MYH9: variants seen among roughly 807,000 people sequenced by gnomAD.
MYH9 encodes the protein myosin heavy chain 9.
MYH9 carries 29 observed loss-of-function variants against 241.9 expected under a neutral mutation model. The ratio of observed to expected loss-of-function variants is 0.12; its 90% CI spans 0.09 to 0.16. The LOEUF is 0.16. Ranked by LOEUF, MYH9 falls within the 10% of genes least tolerant of loss-of-function variation. The pLI is 1.00. For missense variants in MYH9, 1,803 were observed against 2,595.5 expected, an observed-to-expected ratio of 0.69 and a Z score of 6.63; for synonymous variants, 1,047 against 1,062.6, an observed-to-expected ratio of 0.99 and a Z score of 0.29.
At chr22:36,356,756 C>T (rs533082261) in intron 1 of MYH9, among the ~76,000 whole-genome samples, 82 of 152,278 alleles carry the variant, frequency 5.4e-4, no homozygotes, top group Non-Finnish European at 9.0e-4. Context: ...TGAGGTCGCG[C>T]GGCAGGACGG....
At position 36,302,564 on chromosome 22, in the gene MYH9, G is replaced by A. The variant is rs369049684; in HGVS notation, c.2499+4C>T. On this transcript the variant is annotated splice_donor_region_variant and intron_variant, in intron 20 of 40. Coordinates refer to ENST00000216181, the MANE Select transcript of MYH9 (RefSeq NM_002473.6). ...GCTACTCAGGAGGCCCTTCTAGCAC[G>A]CACCTTGGTGAAGAGCCGCCACCAC... 52 of 1,611,598 alleles carry A rather than the reference G, an allele frequency of 3.2e-5. No individual in the cohort carries two copies. The highest frequency in any genetic ancestry group is 1.1e-4 in the African/African-American group (8 of 74,922).
In MYH9 at chr22:36,355,756, G is replaced by A. The variant is rs571133392; in HGVS notation, c.-19-6501C>T. Among the ~76,000 whole-genome samples, 379 of 152,310 alleles carry A rather than the reference G, an allele frequency of 2.5e-3. 5 individuals are homozygous for A. Among genetic ancestry groups the A allele is most frequent in the Middle Eastern group, 0.014 (4 of 294 alleles). ...AAAACCTAGGGTCAGACTCAGCCCC[G>A]TGTGGCTTCAATGCCCTGCTCCGTT... On this transcript the variant is annotated intron_variant, in intron 1 of 40. Coordinates refer to ENST00000216181, the MANE Select transcript of MYH9 (RefSeq NM_002473.6).
In MYH9 at chr22:36,300,380, A is replaced by G; in HGVS notation, c.2839-116T>C. ...CAAGGAGAAAATAGCAAGGTCTGTG[A>G]GCCCAGGGCCATGGCTGAGGTGGGG... On this transcript the variant is annotated intron_variant, in intron 22 of 40. Coordinates refer to ENST00000216181, the MANE Select transcript of MYH9 (RefSeq NM_002473.6). The surrounding 1 kb of genome is among the most constrained non-coding windows in gnomAD (Gnocchi z 5.0). The G allele has an allele frequency of 1.4e-6, 2 of 1,468,100 alleles. No homozygotes were observed. Among genetic ancestry groups the G allele is most frequent in the Non-Finnish European group, 1.9e-6 (2 of 1,067,640 alleles). The allele number at this position is 1,468,100 out of a possible 1,614,324, so 90.9% of individuals were successfully genotyped here. A position where few individuals can be genotyped will look rare whatever the true frequency, so the allele number is the denominator to read the frequency against.
At position 36,366,878 on chromosome 22, in the gene MYH9, A is replaced by AAACCCCCATCCTGATCCTAAC. The variant is rs570494699; in HGVS notation, c.-19-17644_-19-17624dup. Among the ~76,000 whole-genome samples, 1,044 of 152,256 alleles carry AAACCCCCATCCTGATCCTAAC rather than the reference A, an allele frequency of 6.9e-3. 11 individuals are homozygous for AAACCCCCATCCTGATCCTAAC. The highest frequency in any genetic ancestry group is 0.023 in the African/African-American group (973 of 41,536). On this transcript the variant is annotated intron_variant, in intron 1 of 40. Coordinates refer to ENST00000216181, the MANE Select transcript of MYH9 (RefSeq NM_002473.6). Reference sequence around the variant, plus strand: ...GGGGTGGCACAACTTAGACTAGAACAAACCCCCATCCTGATCCTAACGGCC... The same window carrying AAACCCCCATCCTGATCCTAAC: ...GGGGTGGCACAACTTAGACTAGAACAAACCCCCATCCTGATCCTAACAACCCCCATCCTGATCCTAACGGCC...
chr22:36,286,143 T>C (rs1292914196), intron 35 of MYH9, 190 bp from the exon 36 acceptor site: 1 of 638,194 alleles, frequency 1.6e-6, no homozygotes, highest in Non-Finnish European at 2.8e-6. Flanking sequence ...CATATGTTTA[T>C]AAAACTCTTA....
At chr22:36,366,489 G>A (rs1366903288) in intron 1 of MYH9, among the ~76,000 whole-genome samples, 2 of 152,040 alleles carry the variant, frequency 1.3e-5, no homozygotes, top group Non-Finnish European at 2.9e-5. Context: ...ATCTGATCCC[G>A]CCAGCCTTGG....
chr22:36,321,784 T>G lies in MYH9; in HGVS notation c.743A>C (p.Tyr248Ser). ...AGTCTCAATGTTGGCTCCAACAATG[T>G]AGCCATTGACATCAAAGTTGATGCG... ...FIRINFDVNG[Y>S]IVGANIETYL... The change falls in exon 7 of 41, where the codon TAC (tyrosine) becomes TCC (serine). Residue 248 changes from tyrosine (Y) to serine (S), a missense_variant. Transcript: ENST00000216181. 2 of 1,614,098 alleles carry G rather than the reference T, an allele frequency of 1.2e-6. No homozygotes were observed. Among genetic ancestry groups the G allele is most frequent in the Non-Finnish European group, 1.7e-6 (2 of 1,179,950 alleles).
At chr22:36,344,447 ACCTCCCC>A (rs2017642685) in intron 2 of MYH9, among the ~76,000 whole-genome samples, 1 of 22,280 alleles carries the variant, frequency 4.5e-5, no homozygotes, top group Admixed American at 5.6e-4. Context: ...ATGAGGCAGC[ACCTCCCC>A]ATCCAGGCAG....
intron 18 of MYH9, 63 bp downstream of exon 18, chr22:36,304,970 C>T (rs992521243): frequency 1.9e-5 from 29 of 1,525,672 alleles, no homozygotes; most frequent in African/African-American, 9.6e-5. Flanking sequence ...GCCCTGGCCA[C>T]GTGGGCACTC....
chr22:36,300,114 C>A lies in MYH9; in HGVS notation c.2976+13G>T. 6.2e-7 allele frequency: 1 copy of A among 1,609,320 alleles called. No individual in the cohort carries two copies. Among genetic ancestry groups the A allele is most frequent in the Middle Eastern group, 1.7e-4 (1 of 6,060 alleles). ...CCCCTGGAGCAGCGGCAGGCGACAGCCACGGGCCTCACCTTGGCCAGCTTG... is the reference window on the plus strand; with the variant it reads ...CCCCTGGAGCAGCGGCAGGCGACAGACACGGGCCTCACCTTGGCCAGCTTG... On this transcript the variant is annotated intron_variant, in intron 23 of 40. Transcript: ENST00000216181. The surrounding 1 kb of genome is among the most constrained non-coding windows in gnomAD (Gnocchi z 5.0).
chr22:36,318,773 T>C (rs890372042), intron 10 of MYH9, among the ~76,000 whole-genome samples: 5 of 152,146 alleles, frequency 3.3e-5, no homozygotes, highest in African/African-American at 1.2e-4. Context: ...ATGTCTTTTT[T>C]TTTTTTTGAG....
chr22:36,349,371 T>C lies in MYH9; in HGVS notation c.-19-116A>G, dbSNP rs908934589. The C allele has an allele frequency of 7.6e-6, 6 of 791,420 alleles. No individual in the cohort carries two copies. The African/African-American group carries it at 1.0e-4, about 14-fold the overall frequency. The allele number at this position is 791,420 out of a possible 1,614,324, so 49.0% of individuals were successfully genotyped here. ...GTATAGGATTAAGACACAGTAAAAC[T>C]CTATATAACCAGGCTGCACAACTTT... On this transcript the variant is annotated intron_variant, in intron 1 of 40. Coordinates refer to ENST00000216181, the MANE Select transcript of MYH9 (RefSeq NM_002473.6).
intron 10 of MYH9, 21 bp from the exon 11 acceptor site, chr22:36,318,346 A>C (rs2017192843): frequency 6.3e-7 from 1 of 1,579,942 alleles, no homozygotes. Context: ...TCAGAGAATA[A>C]GAGAGGGACA....
intron 1 of MYH9, among the ~76,000 whole-genome samples, chr22:36,383,212 C>T (rs1465609501): frequency 1.3e-5 from 2 of 152,072 alleles, no homozygotes; most frequent in Admixed American, 6.6e-5. Flanking sequence ...AGAGCAAGAC[C>T]CTGCTTCAAA....
chr22:36,322,579 G>T, intron 5 of MYH9, 58 bp from the exon 6 acceptor site: 1 of 1,544,232 alleles, frequency 6.5e-7, no homozygotes, highest in Non-Finnish European at 8.9e-7. Flanking sequence ...TGCCGAGCCT[G>T]CCCTGCCTGG....
rs199511248 is a variant in MYH9 at position 36,282,627 on chromosome 22, T to A, written c.*41A>T. 5.7e-6 allele frequency: 9 copies of A among 1,575,744 alleles called. No homozygotes were observed. Among genetic ancestry groups the A allele is most frequent in the Non-Finnish European group, 7.8e-6 (9 of 1,146,622 alleles). On this transcript the variant is annotated 3_prime_UTR_variant, in exon 41 of 41. Coordinates refer to ENST00000216181, the MANE Select transcript of MYH9 (RefSeq NM_002473.6). Reference sequence around the variant, plus strand: ...GGGGTCTGGGAAGGGGAGGCTGTGGTGTCTGTCTGTCCATCCATCTCAGGC... The same window carrying A: ...GGGGTCTGGGAAGGGGAGGCTGTGGAGTCTGTCTGTCCATCCATCTCAGGC...
intron 27 of MYH9, 138 bp from the exon 28 acceptor site, chr22:36,294,436 C>T (rs569176930): frequency 3.8e-5 from 33 of 871,562 alleles, no homozygotes; most frequent in African/African-American, 6.6e-5. Flanking sequence ...TGGACTCAGA[C>T]GGCTCGGGCC....
rs574458172 is a variant in MYH9, at chr22:36,292,188, T to G, written c.4142A>C (p.Glu1381Ala). The change falls in exon 31 of 41, where the codon GAA (glutamate) becomes GCA (alanine). Residue 1381 changes from glutamate (E) to alanine (A), a missense_variant. This residue lies in a region of MYH9 where 876 missense variants were observed against 1,077.8 expected (regional missense o/e 0.81). Coordinates refer to ENST00000216181, the MANE Select transcript of MYH9 (RefSeq NM_002473.6). The part of the protein sequence containing the change: ...KKMEDSVGCL[E>A]TAEEVKRKLQ... The stretch of plus-strand genomic sequence containing the variant: ...CTTCCTCTTCACCTCCTCAGCAGTT[T>G]CCAGGCACCCCACACTGTCCTCCAT... The G allele has an allele frequency of 1.9e-6, 3 of 1,614,094 alleles. No homozygotes were observed. In the South Asian group the frequency reaches 3.3e-5, roughly 18 times the overall value.
intron 1 of MYH9, among the ~76,000 whole-genome samples, chr22:36,349,645 GC>G (rs2017735707): frequency 6.6e-6 from 1 of 152,078 alleles, no homozygotes; most frequent in African/African-American, 2.4e-5. Context: ...CAGGAGAATC[GC>G]TTGAACCCAG....
Sources: gnomAD v4.1 joint callset for allele counts (sites outside exome capture counted in the v4.1 genomes callset) on GRCh38, gnomAD v4.1.1 for gene constraint, gnomAD v4.1.1 regional missense constraint, Gnocchi (gnomAD v3.1) non-coding constraint, MANE v1.5 for transcripts, NCBI Gene and HGNC (gene_info 2026-07-23, HGNC 2026-07-21) for gene names.